CDH2: variants seen among roughly 807,000 people sequenced by gnomAD.
CDH2 encodes the protein cadherin-2.
In CDH2, 17 loss-of-function variants were observed where a neutral mutation model predicts 92.0. The ratio of observed to expected loss-of-function variants is 0.18; its 90% CI spans 0.13 to 0.28. The LOEUF (loss-of-function observed/expected upper bound fraction) is 0.28. Ranked by LOEUF, CDH2 falls within the 10% of genes least tolerant of loss-of-function variation. The pLI is 1.00. For synonymous variants in CDH2, 419 were observed against 415.9 expected (o/e 1.01, Z -0.09); for missense variants, 862 against 1,133.1 (o/e 0.76, Z 3.44).
intron 14 of CDH2, among the ~76,000 whole-genome samples, chr18:27,976,555 A>C (rs2011837850): frequency 6.6e-6 from 1 of 152,130 alleles, no homozygotes; most frequent in South Asian, 2.1e-4. Context: ...GATAGACACC[A>C]TTTTCTTTGC....
At chr18:28,001,191 G>A (rs1281348453) in intron 7 of CDH2, among the ~76,000 whole-genome samples, 1 of 152,168 alleles carries the variant, frequency 6.6e-6, no homozygotes, top group African/African-American at 2.4e-5. Context: ...TCCACTGGAA[G>A]ATAAACTTAA....
intron 12 of CDH2, 143 bp from the exon 13 acceptor site, chr18:27,985,376 G>T: frequency 1.3e-6 from 1 of 770,176 alleles, no homozygotes; most frequent in Non-Finnish European, 2.1e-6. Context: ...TACTTTTTTG[G>T]CCGTAAAGGC....
At chr18:28,038,696 A>C (rs1476578324) in intron 2 of CDH2, among the ~76,000 whole-genome samples, 1 of 151,914 alleles carries the variant, frequency 6.6e-6, no homozygotes, top group Non-Finnish European at 1.5e-5. Context: ...TTGTATGCAG[A>C]CATCTCTTCA....
At position 27,990,852 on chromosome 18, in the gene CDH2, C is replaced by T. The variant is rs555055244; in HGVS notation, c.1345-502G>A. 3.9e-4 allele frequency among the ~76,000 whole-genome samples: 60 copies of T among 152,206 alleles called. No homozygotes were observed. The South Asian group carries it at 0.012, about 31-fold the overall frequency. ...GCTAAACTTATTTGATTTAAAAGTA[C>T]CTTTCATAATTTGAAGTACACATTT... On this transcript the variant is annotated intron_variant, in intron 9 of 15. Transcript: ENST00000269141.
intron 2 of CDH2, among the ~76,000 whole-genome samples, chr18:28,039,206 T>C (rs2013899079): frequency 6.6e-6 from 1 of 152,064 alleles, no homozygotes; most frequent in African/African-American, 2.4e-5. Flanking sequence ...CATAACCTAC[T>C]GCTTAGCTCC....
intron 1 of CDH2, among the ~76,000 whole-genome samples, chr18:28,150,205 C>T (rs1290560295): frequency 6.6e-6 from 1 of 152,216 alleles, no homozygotes; most frequent in Non-Finnish European, 1.5e-5. Flanking sequence ...ATGGCAGGTG[C>T]TAGCCCATGA....
chr18:27,987,573 G>A (rs1485603050), intron 11 of CDH2, among the ~76,000 whole-genome samples: 1 of 152,068 alleles, frequency 6.6e-6, no homozygotes, highest in Admixed American at 6.5e-5. Flanking sequence ...TTTTTATTAA[G>A]TACCAACATT....
At chr18:27,972,622 C>T (rs2143916681) in intron 14 of CDH2, among the ~76,000 whole-genome samples, 1 of 152,266 alleles carries the variant, frequency 6.6e-6, no homozygotes, top group African/African-American at 2.4e-5. Context: ...CTAAGGATGA[C>T]AGTGAAGTTA....
intron 5 of CDH2, among the ~76,000 whole-genome samples, chr18:28,008,043 C>T (rs891833470): frequency 7.9e-5 from 12 of 152,120 alleles, no homozygotes; most frequent in Admixed American, 2.6e-4. Flanking sequence ...TGGTATTGCT[C>T]TTTTAATGTG....
rs567347198 is a variant in CDH2 at position 27,979,911 on chromosome 18, G to A, written c.2349+3033C>T. 2.6e-5 allele frequency among the ~76,000 whole-genome samples: 4 copies of A among 152,320 alleles called. No individual in the cohort carries two copies. In the East Asian group the frequency reaches 7.7e-4, roughly 29 times the overall value. ...ACTCTTAACCCTACAGAAAGCATCT[G>A]CTTCTGGTTGGGATAAAGTCATGAG... On this transcript the variant is annotated intron_variant, in intron 14 of 15. Transcript: ENST00000269141.
intron 1 of CDH2, among the ~76,000 whole-genome samples, chr18:28,172,860 A>G (rs2016485211): frequency 6.6e-6 from 1 of 152,164 alleles, no homozygotes; most frequent in Non-Finnish European, 1.5e-5. Context: ...TTCTAACTTC[A>G]TAATAACCCC....
At chr18:27,967,027 T>C (rs914300257) in intron 14 of CDH2, among the ~76,000 whole-genome samples, 3 of 152,208 alleles carry the variant, frequency 2.0e-5, no homozygotes, top group South Asian at 2.1e-4. Context: ...CCTGGTCCCA[T>C]TGCTGAGAAT....
intron 7 of CDH2, among the ~76,000 whole-genome samples, chr18:27,997,552 T>G (rs2077006229): frequency 1.3e-5 from 2 of 152,154 alleles, no homozygotes; most frequent in African/African-American, 2.4e-5. Context: ...ATGTCATTAC[T>G]TTGAGTAAAA....
intron 6 of CDH2, among the ~76,000 whole-genome samples, chr18:27,934,204 C>T (rs997140756): frequency 3.3e-5 from 5 of 152,152 alleles, no homozygotes; most frequent in Non-Finnish European, 7.4e-5. Context: ...ATTCTAAGGT[C>T]TGTTTTCCTT....
At chr18:28,033,453 G>C (rs892550594) in intron 2 of CDH2, among the ~76,000 whole-genome samples, 1 of 151,976 alleles carries the variant, frequency 6.6e-6, no homozygotes, top group Admixed American at 6.6e-5. Flanking sequence ...TGATGCACAC[G>C]AATTGGTTCA....
chr18:28,147,876 T>C (rs750388185), intron 1 of CDH2, 92 bp from the exon 2 acceptor site: 14 of 711,748 alleles, frequency 2.0e-5, no homozygotes, highest in Non-Finnish European at 3.1e-5. Context: ...CCTCATTTTT[T>C]CAACTATCTT....
At chr18:27,987,879 G>A (rs1371715842) in intron 11 of CDH2, among the ~76,000 whole-genome samples, 3 of 152,164 alleles carry the variant, frequency 2.0e-5, no homozygotes, top group East Asian at 1.9e-4. Flanking sequence ...GAACTCCAGA[G>A]CTTGAAGTCT....
chr18:28,147,520 G>C (rs2016053930), intron 2 of CDH2, among the ~76,000 whole-genome samples, 153 bp downstream of exon 2: 1 of 152,092 alleles, frequency 6.6e-6, no homozygotes, highest in Non-Finnish European at 1.5e-5. Flanking sequence ...AAGCTCTTCT[G>C]TAATCCTAAA....
intron 15 of CDH2, among the ~76,000 whole-genome samples, chr18:27,959,245 T>C (rs2011335944): frequency 6.6e-6 from 1 of 152,320 alleles, no homozygotes; most frequent in East Asian, 1.9e-4. Context: ...AACATGTGAC[T>C]TATTTTACTC....
Sources: allele counts gnomAD v4.1 joint callset (sites outside exome capture counted in the v4.1 genomes callset), GRCh38; gene constraint gnomAD v4.1.1; transcripts MANE v1.5; gene names NCBI Gene and HGNC (gene_info 2026-07-23, HGNC 2026-07-21).